The following LRRC7 variants were observed in gnomAD, a reference collection of about 807,000 sequenced individuals.
LRRC7 encodes the protein leucine-rich repeat-containing protein 7.
In LRRC7, 23 loss-of-function variants were observed where a neutral mutation model predicts 175.7. That is an observed-to-expected ratio of 0.13 (90% CI 0.09 to 0.19). The LOEUF (loss-of-function observed/expected upper bound fraction) is 0.19, where lower values mean the gene tolerates loss of function less well. LRRC7 is among the 10% of genes least tolerant of loss of function. LRRC7 has a pLI of 1.00. For synonymous variants in LRRC7, 685 were observed against 680.9 expected, an observed-to-expected ratio of 1.01 and a Z score of -0.09; for missense variants, 1,354 against 1,904.7, an observed-to-expected ratio of 0.71 and a Z score of 5.38.
At chr1:69,845,075 C>T (rs1682193345) in intron 7 of LRRC7, among the ~76,000 whole-genome samples, 1 of 151,896 alleles carries the variant, frequency 6.6e-6, no homozygotes, top group African/African-American at 2.4e-5. Flanking sequence ...CAGAGCGAGG[C>T]CCTGTCTCTA....
At chr1:69,826,028 G>T (rs775614455) in intron 5 of LRRC7, among the ~76,000 whole-genome samples, 3 of 152,034 alleles carry the variant, frequency 2.0e-5, no homozygotes, top group Non-Finnish European at 4.4e-5. Flanking sequence ...GACCCAATTG[G>T]CAAAAGATGG....
chr1:70,109,302 A>G (rs577550396), intron 26 of LRRC7, among the ~76,000 whole-genome samples: 5 of 152,168 alleles, frequency 3.3e-5, no homozygotes, highest in Non-Finnish European at 7.3e-5. Flanking sequence ...GATTACAGAC[A>G]TGAGCCACTG....
chr1:69,843,236 G>A (rs955341247), intron 7 of LRRC7, among the ~76,000 whole-genome samples: 3 of 151,694 alleles, frequency 2.0e-5, no homozygotes, highest in African/African-American at 7.3e-5. Flanking sequence ...CTAGTATAGA[G>A]CATCAAAAAG....
intron 4 of LRRC7, among the ~76,000 whole-genome samples, chr1:69,805,358 T>C (rs2101112987): frequency 6.6e-6 from 1 of 151,866 alleles, no homozygotes; most frequent in Admixed American, 6.6e-5. Context: ...CTCTTGAGAC[T>C]CTAGTAGTGT....
chr1:70,008,505 A>G (rs1004502878), intron 11 of LRRC7, among the ~76,000 whole-genome samples: 1 of 152,174 alleles, frequency 6.6e-6, no homozygotes, highest in South Asian at 2.1e-4. Flanking sequence ...TTCATGTCAT[A>G]TTTCATCTAG....
In LRRC7 at chr1:70,107,809, G is replaced by A; in HGVS notation, c.4603G>A (p.Gly1535Ser). ...GCCAGCATCAAACCTACTGCAGCCTGGTGATAAGATCCTTCAGGTAAGACA... is the reference window on the plus strand; with the variant it reads ...GCCAGCATCAAACCTACTGCAGCCTAGTGATAAGATCCTTCAGGTAAGACA... ...DGPASNLLQP[G>S]DKILQANGHS... The change falls in exon 26 of 27, where the codon GGT becomes AGT. Residue 1535 changes from glycine to serine, a missense_variant. Physicochemically the swap from Gly to Ser is moderately conservative, Grantham distance 56. Transcript: ENST00000651989. The A allele has an allele frequency of 6.2e-7, 1 of 1,612,606 alleles. No homozygotes were observed. Among genetic ancestry groups the A allele is most frequent in the Non-Finnish European group, 8.5e-7 (1 of 1,179,000 alleles).
chr1:69,892,416 A>T (rs1423274683), intron 7 of LRRC7, among the ~76,000 whole-genome samples: 2 of 152,204 alleles, frequency 1.3e-5, no homozygotes, highest in Non-Finnish European at 2.9e-5. Flanking sequence ...TAAAAACTCA[A>T]ATGAGAAAAA....
At chr1:70,106,025 T>G (rs1665122681) in intron 25 of LRRC7, among the ~76,000 whole-genome samples, 1 of 152,126 alleles carries the variant, frequency 6.6e-6, no homozygotes, top group Non-Finnish European at 1.5e-5. Flanking sequence ...CACACAAAGT[T>G]ATGAGCTTAA....
intron 3 of LRRC7, among the ~76,000 whole-genome samples, chr1:69,768,170 A>T (rs752064333): frequency 6.6e-5 from 10 of 152,086 alleles, no homozygotes; most frequent in Non-Finnish European, 1.3e-4. Context: ...ATCCTCCCCA[A>T]CTCTTTAGAA....
chr1:69,989,369 T>C (rs1352571472), intron 10 of LRRC7, among the ~76,000 whole-genome samples: 3 of 152,160 alleles, frequency 2.0e-5, no homozygotes, highest in Non-Finnish European at 4.4e-5. Flanking sequence ...TTATATACAA[T>C]TTTAATTTGC....
At chr1:69,954,619 G>A (rs201274311) in intron 8 of LRRC7, among the ~76,000 whole-genome samples, 4 of 152,114 alleles carry the variant, frequency 2.6e-5, no homozygotes, top group East Asian at 3.9e-4. Context: ...ATGTTGATAG[G>A]AATTCACATT....
intron 3 of LRRC7, among the ~76,000 whole-genome samples, chr1:69,760,712 G>A (rs750135124): frequency 1.1e-4 from 17 of 151,834 alleles, no homozygotes; most frequent in Non-Finnish European, 2.2e-4. Flanking sequence ...TAGAAAGAAA[G>A]GAAAAATATG....
At chr1:69,950,801 C>G (rs1649832031) in intron 8 of LRRC7, among the ~76,000 whole-genome samples, 1 of 151,880 alleles carries the variant, frequency 6.6e-6, no homozygotes, top group South Asian at 2.1e-4. Flanking sequence ...TGAAAGAACA[C>G]AAGGGAGATG....
At chr1:69,983,693 C>T (rs1653658428) in intron 9 of LRRC7, among the ~76,000 whole-genome samples, 1 of 152,154 alleles carries the variant, frequency 6.6e-6, no homozygotes, top group African/African-American at 2.4e-5. Context: ...TTTGAAGTGC[C>T]AGCCAAGGAC....
intron 7 of LRRC7, among the ~76,000 whole-genome samples, chr1:69,925,280 G>A (rs1557895239): frequency 1.3e-5 from 2 of 152,122 alleles, no homozygotes; most frequent in South Asian, 4.2e-4. Context: ...GTGTGTCTCT[G>A]CCTGGCTTTG....
chr1:69,730,811 CT>C (rs757888902), intron 2 of LRRC7, among the ~76,000 whole-genome samples: 2 of 152,048 alleles, frequency 1.3e-5, no homozygotes, highest in Non-Finnish European at 1.5e-5. Context: ...CTGTATTAGT[CT>C]GTTCTCATAC....
At chr1:69,710,587 GA>G (rs1316683592) in intron 2 of LRRC7, among the ~76,000 whole-genome samples, 5 of 152,136 alleles carry the variant, frequency 3.3e-5, no homozygotes, top group Non-Finnish European at 7.4e-5. Context: ...GTGCATGAAA[GA>G]AACTTGAAGA....
rs1273765029 is a variant in LRRC7 at position 69,893,811 on chromosome 1, A to C, written c.648-37696A>C. Among the ~76,000 whole-genome samples, 4 of 126,972 alleles carry C rather than the reference A, an allele frequency of 3.2e-5. No homozygotes were observed. In the East Asian group the frequency reaches 1.1e-3, roughly 34 times the overall value. The allele number at this position is 126,972 out of a possible 152,430, so 83.3% of individuals were successfully genotyped here. ...TTAATACAAAATTTCTCATACTTGA[A>C]AACCAAACTTTTTTTTTTAGTCCTC... On this transcript the variant is annotated intron_variant, in intron 7 of 26. Coordinates refer to ENST00000651989, the MANE Select transcript of LRRC7 (RefSeq NM_001370785.2).
chr1:69,591,171 G>A (rs899068378), intron 1 of LRRC7, among the ~76,000 whole-genome samples: 1 of 152,076 alleles, frequency 6.6e-6, no homozygotes, highest in Non-Finnish European at 1.5e-5. Flanking sequence ...CCAATTATAG[G>A]AGTTTGCTTG....
Sources: gnomAD v4.1 joint callset for allele counts (sites outside exome capture counted in the v4.1 genomes callset) on GRCh38, gnomAD v4.1.1 for gene constraint, MANE v1.5 for transcripts, NCBI Gene and HGNC (gene_info 2026-07-23, HGNC 2026-07-21) for gene names.